The following DHRSX variants were observed in gnomAD, a reference collection of about 807,000 sequenced individuals.
The protein encoded by DHRSX is dehydrogenase/reductase X-linked.
Under a neutral mutation model 34.0 loss-of-function variants are expected in DHRSX, and 31 were observed. The ratio of observed to expected loss-of-function variants is 0.91; its 90% CI spans 0.69 to 1.23. The LOEUF is 1.23. DHRSX is among the 50% of genes most tolerant of loss of function. The pLI, the probability that DHRSX is intolerant of heterozygous loss-of-function variation, is 0.00. For missense variants in DHRSX, 414 were observed against 428.1 expected, an observed-to-expected ratio of 0.97 and a Z score of 0.29; for synonymous variants, 201 against 183.8, an observed-to-expected ratio of 1.09 and a Z score of -0.76.
intron 1 of DHRSX, among the ~76,000 whole-genome samples, chrX:2,498,227 T>G (rs1298778682): frequency 6.6e-6 from 1 of 152,198 alleles, no homozygotes; most frequent in Non-Finnish European, 1.5e-5. Context: ...ACGCTCCATT[T>G]GGAAGTTCTA....
chrX:2,295,848 G>A (rs997806168), intron 3 of DHRSX, among the ~76,000 whole-genome samples: 12 of 152,124 alleles, frequency 7.9e-5, no homozygotes, highest in South Asian at 4.1e-4. Flanking sequence ...TGGCAATACC[G>A]AAGCACAAAG....
intron 3 of DHRSX, among the ~76,000 whole-genome samples, chrX:2,303,900 A>ATGGATAAATGG (rs1569485769): frequency 4.9e-5 from 3 of 60,904 alleles, no homozygotes; most frequent in African/African-American, 1.9e-4. Context: ...TGGATGGATA[A>ATGGATAAATGG]ATGGATGGAT....
At chrX:2,297,619 T>G (rs1453693046) in intron 3 of DHRSX, among the ~76,000 whole-genome samples, 2 of 152,130 alleles carry the variant, frequency 1.3e-5, no homozygotes, top group Admixed American at 6.6e-5. Context: ...AAGATTTTTG[T>G]TTTTTGTTTG....
chrX:2,400,552 C>T (rs993034580), intron 3 of DHRSX, among the ~76,000 whole-genome samples: 6 of 152,222 alleles, frequency 3.9e-5, no homozygotes, highest in Admixed American at 6.5e-5. Flanking sequence ...TAGATTGTCT[C>T]GGGAGCCACT....
At chrX:2,294,357 A>C (rs1362873002) in intron 3 of DHRSX, among the ~76,000 whole-genome samples, 1 of 152,102 alleles carries the variant, frequency 6.6e-6, no homozygotes, top group Non-Finnish European at 1.5e-5. Flanking sequence ...CAGCTTGGCT[A>C]ACATGTTGAA....
intron 5 of DHRSX, among the ~76,000 whole-genome samples, chrX:2,258,480 G>A (rs1288183409): frequency 3.3e-5 from 5 of 152,030 alleles, no homozygotes; most frequent in African/African-American, 9.7e-5. Flanking sequence ...CACCTCATAA[G>A]AGGAGGAGAT....
intron 3 of DHRSX, among the ~76,000 whole-genome samples, chrX:2,393,930 C>G (rs2043376166): frequency 6.6e-6 from 1 of 151,666 alleles, no homozygotes; most frequent in Non-Finnish European, 1.5e-5. Flanking sequence ...GTGACCTGCC[C>G]GTCTCCTGCG....
intron 3 of DHRSX, among the ~76,000 whole-genome samples, chrX:2,326,383 C>T (rs2042386396): frequency 1.3e-5 from 2 of 152,150 alleles, no homozygotes; most frequent in African/African-American, 2.4e-5. Flanking sequence ...ATTAGCCGGG[C>T]GTGGTGGCAG....
At chrX:2,263,815 G>A (rs1468898314) in intron 5 of DHRSX, among the ~76,000 whole-genome samples, 5 of 152,104 alleles carry the variant, frequency 3.3e-5, no homozygotes, top group African/African-American at 4.8e-5. Context: ...CCGGACTGCT[G>A]GATTTTTTCT....
At chrX:2,245,691 C>T (rs2016261930) in intron 5 of DHRSX, among the ~76,000 whole-genome samples, 1 of 149,546 alleles carries the variant, frequency 6.7e-6, no homozygotes, top group Non-Finnish European at 1.5e-5. Flanking sequence ...GACGCAGTGG[C>T]TCATGCCTGT....
intron 1 of DHRSX, among the ~76,000 whole-genome samples, chrX:2,476,191 C>T (rs1471882926): frequency 2.6e-5 from 4 of 151,960 alleles, no homozygotes; most frequent in Non-Finnish European, 4.4e-5. Context: ...AGTTTGAGAC[C>T]GGCCAGGCCA....
At chrX:2,486,605 CGCT>C (rs1375124765) in intron 1 of DHRSX, 6 of 152,160 alleles carry the variant, frequency 3.9e-5, no homozygotes. Flanking sequence ...GTGAAGAGAA[CGCT>C]GGCAATGCTA....
intron 4 of DHRSX, among the ~76,000 whole-genome samples, chrX:2,290,506 T>C (rs971327083): frequency 7.9e-5 from 12 of 152,306 alleles, no homozygotes; most frequent in South Asian, 2.1e-4. Context: ...AGTAATTACA[T>C]TGGGTAATCA....
At chrX:2,436,834 T>C (rs1042404692) in intron 1 of DHRSX, among the ~76,000 whole-genome samples, 3 of 151,952 alleles carry the variant, frequency 2.0e-5, no homozygotes, top group Admixed American at 2.0e-4. Context: ...GGTCTCACTA[T>C]GTTGGCCGAG....
intron 1 of DHRSX, among the ~76,000 whole-genome samples, chrX:2,484,923 C>T (rs1010273284): frequency 2.6e-5 from 4 of 152,014 alleles, no homozygotes; most frequent in Non-Finnish European, 4.4e-5. Context: ...ACAGCCCAAC[C>T]GGCTCCTTCC....
At chrX:2,355,258 T>C (rs2124579649) in intron 3 of DHRSX, among the ~76,000 whole-genome samples, 1 of 152,228 alleles carries the variant, frequency 6.6e-6, no homozygotes, top group East Asian at 1.9e-4. Context: ...GCACCTGGAA[T>C]CCCTGCATTT....
In DHRSX at chrX:2,425,306, T is replaced by C. The variant is rs1341170526; in HGVS notation, c.110-2A>G. On this transcript the variant is annotated splice_acceptor_variant, in intron 1 of 6. Transcript: ENST00000334651. LOFTEE classifies it high-confidence loss of function. ...CACGGTCAGGTCGTGGGGGGAAAAC[T>C]GAAAAAGAAGAAGAGAAAATCATCA... 1 of 1,608,932 alleles carries C rather than the reference T, an allele frequency of 6.2e-7. No individual in the cohort carries two copies. Among genetic ancestry groups the C allele is most frequent in the Non-Finnish European group, 8.5e-7 (1 of 1,176,670 alleles).
In DHRSX at chrX:2,299,577, G is replaced by A. The variant is rs192095455; in HGVS notation, c.287-7974C>T. On this transcript the variant is annotated intron_variant, in intron 3 of 6. Transcript: ENST00000334651. ...CTCAAGAAGATAACCTCATCTGGCC[G>A]GGTGTGGTGGCTCATGCCTATAACC... is the stretch of plus-strand genomic sequence containing the variant. Among the ~76,000 whole-genome samples the A allele has an allele frequency of 6.4e-3, 976 of 152,174 alleles. 8 individuals carry two copies. The highest frequency in any genetic ancestry group is 0.022 in the African/African-American group (914 of 41,534).
At chrX:2,458,750 T>C (rs1047277088) in intron 1 of DHRSX, among the ~76,000 whole-genome samples, 6 of 151,972 alleles carry the variant, frequency 3.9e-5, no homozygotes, top group African/African-American at 1.4e-4. Flanking sequence ...GGAATCACAA[T>C]GCTATGGAAG....
Sources: allele counts gnomAD v4.1 joint callset (sites outside exome capture counted in the v4.1 genomes callset), GRCh38; gene constraint gnomAD v4.1.1; transcripts MANE v1.5; gene names NCBI Gene and HGNC (gene_info 2026-07-23, HGNC 2026-07-21).